Variants in BRD2 observed in about 807,000 individuals in gnomAD.
The protein encoded by BRD2 is bromodomain-containing protein 2.
A neutral mutation model predicts 79.1 loss-of-function variants in BRD2; 15 were observed. The ratio of observed to expected loss-of-function variants is 0.19; its 90% confidence interval spans 0.13 to 0.29. The LOEUF (loss-of-function observed/expected upper bound fraction) is 0.29. BRD2 is among the 10% of genes least tolerant of loss of function. The pLI, the probability that BRD2 is intolerant of heterozygous loss-of-function variation, is 1.00. For synonymous variants in BRD2, 488 were observed against 358.6 expected, an observed-to-expected ratio of 1.36 and a Z score of -4.08; for missense variants, 1,053 against 991.3, an observed-to-expected ratio of 1.06 and a Z score of -0.84.
In BRD2 at chr6:32,972,528, T is replaced by C. The variant is rs1778150091; in HGVS notation, c.-371T>C. The C allele has an allele frequency of 5.8e-6, 2 of 347,640 alleles. No homozygotes were observed. Among genetic ancestry groups the C allele is most frequent in the African/African-American group, 2.2e-5 (1 of 46,240 alleles). The allele number at this position is 347,640 out of a possible 1,614,324, so 21.5% of individuals were successfully genotyped here. ...CATCCGAGATCGAAACGGGACCTCG[T>C]CGGCCCCGTAGGGGCCCGACAAGAA... On this transcript the variant is annotated 5_prime_UTR_variant, in exon 2 of 13. Transcript: ENST00000374825.
chr6:32,972,062 C>A lies in BRD2; in HGVS notation c.-837C>A, dbSNP rs1367026491. The A allele has an allele frequency of 1.4e-6, 1 of 699,660 alleles. No individual in the cohort carries two copies. The allele number at this position is 699,660 out of a possible 1,614,324, so 43.3% of individuals were successfully genotyped here. On this transcript the variant is annotated 5_prime_UTR_variant, in exon 2 of 13. Transcript: ENST00000374825. ...CGGAGAGGTGTTCCTTCCCCTTCGA[C>A]TCAGCTTCTTCACCCGCGTGAGCGA...
chr6:32,970,018 G>A (rs1200694903), intron 1 of BRD2, among the ~76,000 whole-genome samples: 1 of 152,218 alleles, frequency 6.6e-6, no homozygotes, highest in Non-Finnish European at 1.5e-5. Flanking sequence ...AGGGAGGATA[G>A]AGGATCGGGA....
At chr6:32,979,042 G>GGTTTT in intron 10 of BRD2, 1 of 66,486 alleles carries the variant, frequency 1.5e-5, no homozygotes, top group Non-Finnish European at 3.8e-5. Flanking sequence ...GTGGTTTTGT[G>GGTTTT]TTTTGTTTTT....
In BRD2 at chr6:32,976,163, T is replaced by G; in HGVS notation, c.604T>G (p.Leu202Val). The G allele has an allele frequency of 6.2e-7, 1 of 1,611,990 alleles. No homozygotes were observed. The highest frequency in any genetic ancestry group is 8.5e-7 in the Non-Finnish European group (1 of 1,179,708). Residue 202 changes from leucine (L) to valine (V), a missense_variant, in exon 5 of 13, where the codon TTG (leucine) becomes GTG (valine). By Grantham distance (32) the Leu-to-Val change is conservative. Around this residue, in one of 5 missense-constraint regions of BRD2, gnomAD observed 413 missense variants for 335.1 expected, o/e 1.23. Transcript: ENST00000374825. ...PKNSHKKGAK[L>V]AALQGSVTSA... ...GAACAGCCACAAGAAGGGGGCCAAGTTGGCAGGTAGGAAGAGTGGGAGTTT... is the reference window on the plus strand; with the variant it reads ...GAACAGCCACAAGAAGGGGGCCAAGGTGGCAGGTAGGAAGAGTGGGAGTTT...
Position 32,980,834 on chromosome 6 carries a change from C to G in BRD2, c.*116C>G, listed in dbSNP as rs997067889. 3 of 1,273,956 alleles carry G rather than the reference C, an allele frequency of 2.4e-6. No individual in the cohort carries two copies. In the African/African-American group the frequency reaches 4.4e-5, roughly 19 times the overall value. 78.9% of individuals were successfully genotyped at this position (1,273,956 alleles called of 1,614,324 possible). On this transcript the variant is annotated 3_prime_UTR_variant, in exon 13 of 13. Coordinates refer to ENST00000374825, the MANE Select transcript of BRD2 (RefSeq NM_005104.4). Reference sequence around the variant, plus strand: ...CTTCTTCATCTCACCCCCCCCCGCCCCCCTCTAGGAGAGCTGGCTCTGCAG... The same window carrying G: ...CTTCTTCATCTCACCCCCCCCCGCCGCCCTCTAGGAGAGCTGGCTCTGCAG...
chr6:32,977,719 GTTTATCAGCATAGT>G, intron 8 of BRD2, 24 bp from the exon 9 acceptor site: 1 of 1,611,910 alleles, frequency 6.2e-7, no homozygotes, highest in Non-Finnish European at 8.5e-7. Flanking sequence ...GTAGGGCACT[GTTTATCAGCATAGT>G]TTTGAGTTTG....
At position 32,976,659 on chromosome 6, in the gene BRD2, C is replaced by CT; in HGVS notation, c.924dup (p.Lys309Ter). 1 of 1,612,940 alleles carries CT rather than the reference C, an allele frequency of 6.2e-7. No homozygotes were observed. Among genetic ancestry groups the CT allele is most frequent in the Non-Finnish European group, 8.5e-7 (1 of 1,180,032 alleles). On this transcript the variant is annotated frameshift_variant, in exon 7 of 13. Transcript: ENST00000374825. LOFTEE classifies it high-confidence loss of function. ...GCTAGCCCTCCTGGGAGTCTTGAGCCTAAGGCAGCACGGCTTCCCCCTATG... is the reference window on the plus strand; with the variant it reads ...GCTAGCCCTCCTGGGAGTCTTGAGCCTTAAGGCAGCACGGCTTCCCCCTATG...
At chr6:32,980,263 G>T in intron 11 of BRD2, 79 bp from the exon 12 acceptor site, 2 of 1,586,018 alleles carry the variant, frequency 1.3e-6, no homozygotes, top group Non-Finnish European at 1.7e-6. Context: ...CGTTCAAGAA[G>T]GGAACTTGGG....
chr6:32,972,575 C>A lies in BRD2; in HGVS notation c.-324C>A, dbSNP rs1224870776. 1.8e-5 allele frequency: 9 copies of A among 499,154 alleles called. No homozygotes were observed. Among genetic ancestry groups the A allele is most frequent in the Non-Finnish European group, 3.2e-5 (9 of 279,636 alleles). 30.9% of individuals were successfully genotyped at this position (499,154 alleles called of 1,614,324 possible). On this transcript the variant is annotated 5_prime_UTR_variant, in exon 2 of 13. Transcript: ENST00000374825. Reference sequence around the variant, plus strand: ...AGAAGAGGGAATCCCTGCAGACCAACAGCGGGCTATATTGACGACGGTGTC... The same window carrying A: ...AGAAGAGGGAATCCCTGCAGACCAAAAGCGGGCTATATTGACGACGGTGTC...
Position 32,978,121 on chromosome 6 carries a change from T to C in BRD2, c.1579-5T>C. The C allele has an allele frequency of 6.3e-7, 1 of 1,596,494 alleles. No homozygotes were observed. Among genetic ancestry groups the C allele is most frequent in the Non-Finnish European group, 8.5e-7 (1 of 1,174,692 alleles). ...TTTTTCCACTTCATGTTTTTTTTCC[T>C]TTAGCTTCGGGCAGTACATGAACAA... On this transcript the variant is annotated splice_region_variant and splice_polypyrimidine_tract_variant and intron_variant, in intron 9 of 12. Transcript: ENST00000374825.
chr6:32,976,915 C>G lies in BRD2; in HGVS notation c.1179C>G (p.Pro393=). 1.2e-6 allele frequency: 2 copies of G among 1,611,882 alleles called. No homozygotes were observed. Among genetic ancestry groups the G allele is most frequent in the African/African-American group, 1.3e-5 (1 of 75,054 alleles). ...ACTACCATGACATCATTAAGCACCC[C>G]ATGGACCTCAGCACTGTCAAGGTAC... ...LHDYHDIIKH[P]MDLSTVKRKM... is the part of the protein sequence containing the mutation. The change falls in exon 7 of 13, where the codon CCC becomes CCG. Residue 393 remains proline, a synonymous_variant. Coordinates refer to ENST00000374825, the MANE Select transcript of BRD2 (RefSeq NM_005104.4).
At position 32,979,693 on chromosome 6, in the gene BRD2, C is replaced by G; in HGVS notation, c.1842-135C>G. ...ACTATACAGTGTCCCAGTAGCCCACCTCTTACTTGGCCATTGAATGGAAAA... is the reference window on the plus strand; with the variant it reads ...ACTATACAGTGTCCCAGTAGCCCACGTCTTACTTGGCCATTGAATGGAAAA... On this transcript the variant is annotated intron_variant, in intron 10 of 12. Coordinates refer to ENST00000374825, the MANE Select transcript of BRD2 (RefSeq NM_005104.4). The G allele has an allele frequency of 2.9e-6, 3 of 1,035,800 alleles. No individual in the cohort carries two copies. The South Asian group carries it at 5.1e-5, about 18-fold the overall frequency. 64.2% of individuals were successfully genotyped at this position (1,035,800 alleles called of 1,614,324 possible). A position where few individuals can be genotyped will look rare whatever the true frequency, so the allele number is the denominator to read the frequency against.
intron 1 of BRD2, chr6:32,970,287 A>G (rs1380515084): frequency 6.6e-6 from 1 of 152,220 alleles, no homozygotes; most frequent in Non-Finnish European, 1.5e-5. Context: ...GGCCGCTTGT[A>G]CTTTTGGGGG....
chr6:32,972,526 CGTCGGCCCCGTA>C lies in BRD2; in HGVS notation c.-371_-360del. On this transcript the variant is annotated 5_prime_UTR_variant, in exon 2 of 13. Coordinates refer to ENST00000374825, the MANE Select transcript of BRD2 (RefSeq NM_005104.4). ...TCCATCCGAGATCGAAACGGGACCT[CGTCGGCCCCGTA>C]GGGGCCCGACAAGAAGAGGGAATCC... 1 of 355,694 alleles carries C rather than the reference CGTCGGCCCCGTA, an allele frequency of 2.8e-6. No homozygotes were observed. Among genetic ancestry groups the C allele is most frequent in the Non-Finnish European group, 5.2e-6 (1 of 193,604 alleles). The allele number at this position is 355,694 out of a possible 1,614,324, so 22.0% of individuals were successfully genotyped here.
chr6:32,970,390 C>G (rs1226084625), intron 1 of BRD2: 3 of 152,328 alleles, frequency 2.0e-5, no homozygotes, highest in Non-Finnish European at 2.9e-5. Flanking sequence ...CTCGGGGGGT[C>G]AGAAGACAGG....
rs1001560757 is a variant in BRD2 at position 32,972,226 on chromosome 6, C to T, written c.-673C>T. 5.9e-6 allele frequency: 3 copies of T among 504,204 alleles called. No individual in the cohort carries two copies. Among genetic ancestry groups the T allele is most frequent in the Admixed American group, 3.2e-5 (1 of 31,158 alleles). 31.2% of individuals were successfully genotyped at this position (504,204 alleles called of 1,614,324 possible). A position where few individuals can be genotyped will look rare whatever the true frequency, so the allele number is the denominator to read the frequency against. On this transcript the variant is annotated 5_prime_UTR_variant, in exon 2 of 13. Transcript: ENST00000374825. Reference sequence around the variant, plus strand: ...ATTTCGTGCTGGAGTGGAGCAGCCTCTAGAACGAGCTGGAGGATTCTGCCT... The same window carrying T: ...ATTTCGTGCTGGAGTGGAGCAGCCTTTAGAACGAGCTGGAGGATTCTGCCT...
In BRD2 at chr6:32,980,601, ATCC is replaced by A. The variant is rs758176974; in HGVS notation, c.2292_2294del (p.Ser765del). The stretch of plus-strand genomic sequence containing the variant: ...CTGCAGCGAATGAGAAAACAGAGTC[ATCC>A]TCTGCACAGCAAGTAGCAGTGTCAC... On this transcript the variant is annotated inframe_deletion, in exon 13 of 13. Transcript: ENST00000374825. The A allele has an allele frequency of 8.7e-4, 1,405 of 1,613,150 alleles. 3 individuals are homozygous for A. Among genetic ancestry groups the A allele is most frequent in the Middle Eastern group, 2.5e-3 (15 of 6,062 alleles).
Position 32,975,323 on chromosome 6 carries a change from C to T in BRD2, c.334-61C>T, listed in dbSNP as rs1016432478. 8 of 1,352,358 alleles carry T rather than the reference C, an allele frequency of 5.9e-6. No individual in the cohort carries two copies. The Admixed American group carries it at 1.0e-4, about 18-fold the overall frequency. The allele number at this position is 1,352,358 out of a possible 1,614,324, so 83.8% of individuals were successfully genotyped here. A position where few individuals can be genotyped will look rare whatever the true frequency, so the allele number is the denominator to read the frequency against. ...GTGTGTGTGTGTGAGAGTCGGGGAT[C>T]GGTAGTCTCCCTATAAGCATTTATT... On this transcript the variant is annotated intron_variant, in intron 3 of 12. Transcript: ENST00000374825.
At chr6:32,980,556 C>CT in intron 12 of BRD2, 26 bp from the exon 13 acceptor site, 1 of 1,613,018 alleles carries the variant, frequency 6.2e-7, no homozygotes, top group Non-Finnish European at 8.5e-7. Context: ...ACTTGAACGT[C>CT]TTTAACTTTC....
Sources: gnomAD v4.1 joint callset for allele counts (sites outside exome capture counted in the v4.1 genomes callset) on GRCh38, gnomAD v4.1.1 for gene constraint, gnomAD v4.1.1 regional missense constraint, MANE v1.5 for transcripts, NCBI Gene and HGNC (gene_info 2026-07-23, HGNC 2026-07-21) for gene names.